TAFA1: variants seen among roughly 807,000 people sequenced by gnomAD.
TAFA1 encodes TAFA chemokine like family member 1.
Under a neutral mutation model 18.5 loss-of-function variants are expected in TAFA1, and 4 were observed. The observed-to-expected ratio is 0.22, with a 90% CI of 0.11 to 0.49. The LOEUF (loss-of-function observed/expected upper bound fraction) is 0.49. Ranked by LOEUF, TAFA1 falls within the 20% of genes least tolerant of loss-of-function variation. The probability of loss-of-function intolerance (pLI) is 0.98; values close to 1 mark genes in which losing one functional copy is unlikely to be tolerated. For missense variants in TAFA1, 147 were observed against 169.0 expected (o/e 0.87, Z 0.72); for synonymous variants, 56 against 55.2 (o/e 1.01, Z -0.06).
intron 3 of TAFA1, among the ~76,000 whole-genome samples, chr3:68,445,604 ATTC>A (rs2071461757): frequency 1.3e-5 from 2 of 152,124 alleles, no homozygotes; most frequent in South Asian, 2.1e-4. Context: ...CTAGGAGGGA[ATTC>A]TTCTATTTGG....
chr3:68,241,970 T>C (rs925254784), intron 2 of TAFA1, among the ~76,000 whole-genome samples: 5 of 152,164 alleles, frequency 3.3e-5, no homozygotes, highest in African/African-American at 4.8e-5. Flanking sequence ...TTCCAGAGAT[T>C]TCGTTTTGCC....
intron 2 of TAFA1, among the ~76,000 whole-genome samples, chr3:68,124,395 T>C (rs1479309497): frequency 6.6e-6 from 1 of 152,206 alleles, no homozygotes; most frequent in East Asian, 1.9e-4. Context: ...GATGTCTGTA[T>C]GTGGCCCATA....
At chr3:68,409,797 G>T (rs186560244) in intron 2 of TAFA1, among the ~76,000 whole-genome samples, 1 of 152,106 alleles carries the variant, frequency 6.6e-6, no homozygotes. Context: ...GATCCAGTTG[G>T]TTGGTATGAG....
chr3:68,190,421 T>G (rs1240035881), intron 2 of TAFA1, among the ~76,000 whole-genome samples: 2 of 151,932 alleles, frequency 1.3e-5, no homozygotes, highest in Admixed American at 1.3e-4. Flanking sequence ...ATTGTTCATT[T>G]TATTTGTTTT....
rs185685737 is a variant in TAFA1 at position 68,374,769 on chromosome 3, T to G, written c.119-42511T>G. 1.7e-3 allele frequency among the ~76,000 whole-genome samples: 264 copies of G among 152,330 alleles called. 1 individual carries two copies. Among genetic ancestry groups the G allele is most frequent in the Middle Eastern group, 6.8e-3 (2 of 294 alleles). ...GTCTCCCTGCTGTTAAGTTACTTTTTATGCTTTCTTGTGAGATGAATGTCT... is the reference window on the plus strand; with the variant it reads ...GTCTCCCTGCTGTTAAGTTACTTTTGATGCTTTCTTGTGAGATGAATGTCT... On this transcript the variant is annotated intron_variant, in intron 2 of 4. Coordinates refer to ENST00000478136, the MANE Select transcript of TAFA1 (RefSeq NM_213609.4).
At chr3:68,093,876 T>A (rs570823078) in intron 2 of TAFA1, among the ~76,000 whole-genome samples, 3 of 152,252 alleles carry the variant, frequency 2.0e-5, no homozygotes, top group Admixed American at 6.5e-5. Flanking sequence ...CTGAGTTTCC[T>A]CTACCCATGG....
intron 2 of TAFA1, among the ~76,000 whole-genome samples, chr3:68,109,876 A>T (rs2065244407): frequency 6.6e-6 from 1 of 152,224 alleles, no homozygotes; most frequent in African/African-American, 2.4e-5. Context: ...AAGTACTTCA[A>T]GTTCAACTGG....
intron 2 of TAFA1, among the ~76,000 whole-genome samples, chr3:68,385,726 T>A (rs984197538): frequency 1.3e-5 from 2 of 151,642 alleles, no homozygotes; most frequent in Non-Finnish European, 2.9e-5. Context: ...CTTGCCTCCT[T>A]TTTTTTTAAG....
At chr3:68,340,224 G>C (rs2069057058) in intron 2 of TAFA1, among the ~76,000 whole-genome samples, 2 of 152,128 alleles carry the variant, frequency 1.3e-5, no homozygotes, top group African/African-American at 4.8e-5. Flanking sequence ...TTTGTTACCT[G>C]TTCCTCAAGG....
At chr3:68,438,470 T>A (rs2071305040) in intron 3 of TAFA1, among the ~76,000 whole-genome samples, 1 of 152,178 alleles carries the variant, frequency 6.6e-6, no homozygotes, top group African/African-American at 2.4e-5. Context: ...CCCCTGTGGC[T>A]TGGCTGGACT....
At chr3:68,337,207 G>T (rs1208584083) in intron 2 of TAFA1, among the ~76,000 whole-genome samples, 1 of 152,154 alleles carries the variant, frequency 6.6e-6, no homozygotes, top group Non-Finnish European at 1.5e-5. Flanking sequence ...AAACATGGCT[G>T]GGGTGCCCTC....
chr3:68,130,927 T>A (rs2065528480), intron 2 of TAFA1, among the ~76,000 whole-genome samples: 1 of 152,174 alleles, frequency 6.6e-6, no homozygotes, highest in Non-Finnish European at 1.5e-5. Flanking sequence ...TCTTTCCTTG[T>A]TATTTTCTTG....
intron 3 of TAFA1, among the ~76,000 whole-genome samples, chr3:68,431,990 A>G (rs796116192): frequency 4.6e-5 from 7 of 152,108 alleles, no homozygotes; most frequent in East Asian, 1.9e-4. Flanking sequence ...AAGTTTTACA[A>G]TGCTTTCTCA....
intron 2 of TAFA1, among the ~76,000 whole-genome samples, chr3:68,310,372 T>C (rs2068494710): frequency 6.6e-6 from 1 of 152,170 alleles, no homozygotes; most frequent in African/African-American, 2.4e-5. Flanking sequence ...TGTTTGTAAT[T>C]TTTTCTGGTG....
chr3:68,108,769 GA>G (rs1429101146), intron 2 of TAFA1, among the ~76,000 whole-genome samples: 3 of 152,022 alleles, frequency 2.0e-5, no homozygotes, highest in African/African-American at 7.2e-5. Flanking sequence ...TAAAATTTCT[GA>G]GTAGCTTAAT....
At chr3:68,247,442 T>A (rs1229746005) in intron 2 of TAFA1, 1 of 152,198 alleles carries the variant, frequency 6.6e-6, no homozygotes, top group East Asian at 1.9e-4. Flanking sequence ...ATTAGGGACC[T>A]TGTCAGTTTT....
intron 3 of TAFA1, among the ~76,000 whole-genome samples, chr3:68,480,013 A>G (rs1319103372): frequency 6.6e-6 from 1 of 152,134 alleles, no homozygotes; most frequent in Admixed American, 6.5e-5. Context: ...TTGCATAATG[A>G]AATACGTGGC....
intron 3 of TAFA1, among the ~76,000 whole-genome samples, chr3:68,499,830 C>G (rs1035178779): frequency 6.7e-6 from 1 of 149,112 alleles, no homozygotes. Context: ...TGACAGAAAA[C>G]CCAATTCAAA....
intron 2 of TAFA1, among the ~76,000 whole-genome samples, chr3:68,087,686 T>C (rs1192691499): frequency 6.6e-6 from 1 of 151,442 alleles, no homozygotes; most frequent in Non-Finnish European, 1.5e-5. Flanking sequence ...ATTTAAAACA[T>C]AGCATTATAT....
Sources: gnomAD v4.1 joint callset for allele counts (sites outside exome capture counted in the v4.1 genomes callset) on GRCh38, gnomAD v4.1.1 for gene constraint, MANE v1.5 for transcripts, NCBI Gene and HGNC (gene_info 2026-07-23, HGNC 2026-07-21) for gene names.